FIGN: variants seen among roughly 807,000 people sequenced by gnomAD.
The protein encoded by FIGN is fidgetin.
Under a neutral mutation model 51.3 loss-of-function variants are expected in FIGN, and 11 were observed. That is an observed-to-expected ratio of 0.21 (90% CI 0.13 to 0.35). FIGN has a LOEUF of 0.35. Ranked by LOEUF, FIGN falls within the 10% of genes least tolerant of loss-of-function variation. The pLI, the probability that FIGN is intolerant of heterozygous loss-of-function variation, is 1.00. For missense variants in FIGN, 857 were observed against 943.6 expected, an observed-to-expected ratio of 0.91 and a Z score of 1.20; for synonymous variants, 407 against 363.2, an observed-to-expected ratio of 1.12 and a Z score of -1.37.
intron 2 of FIGN, among the ~76,000 whole-genome samples, chr2:163,714,332 T>C (rs532918548): frequency 6.6e-6 from 1 of 152,300 alleles, no homozygotes; most frequent in Admixed American, 6.5e-5. Flanking sequence ...TTTTGCCATG[T>C]GTACAAGTAA....
chr2:163,645,439 A>G (rs1050541104), intron 2 of FIGN, among the ~76,000 whole-genome samples: 17 of 152,228 alleles, frequency 1.1e-4, no homozygotes, highest in Non-Finnish European at 2.2e-4. Flanking sequence ...CACAGTGCCC[A>G]GATATGCCAA....
At chr2:163,633,064 G>A (rs2105311980) in intron 2 of FIGN, among the ~76,000 whole-genome samples, 1 of 152,022 alleles carries the variant, frequency 6.6e-6, no homozygotes, top group Non-Finnish European at 1.5e-5. Context: ...TGCACCTATG[G>A]TCCCAGCTAC....
At chr2:163,641,462 A>C (rs1027178785) in intron 2 of FIGN, among the ~76,000 whole-genome samples, 3 of 152,198 alleles carry the variant, frequency 2.0e-5, no homozygotes, top group African/African-American at 7.2e-5. Flanking sequence ...CCTTCATCTT[A>C]CAGTTAAGGG....
At chr2:163,735,684 CGT>C (rs1331623655) in intron 1 of FIGN, among the ~76,000 whole-genome samples, 152 bp downstream of exon 1, 1 of 152,048 alleles carries the variant, frequency 6.6e-6, no homozygotes, top group East Asian at 1.9e-4. Flanking sequence ...AGCAGGTTGG[CGT>C]ACAGAATAGA....
chr2:163,667,638 T>A (rs183263716), intron 2 of FIGN, among the ~76,000 whole-genome samples: 2 of 152,390 alleles, frequency 1.3e-5, no homozygotes, highest in Admixed American at 6.5e-5. Context: ...CATTGTTTAC[T>A]TGAAAAATCT....
At chr2:163,698,101 A>C (rs1178348429) in intron 2 of FIGN, among the ~76,000 whole-genome samples, 1 of 152,104 alleles carries the variant, frequency 6.6e-6, no homozygotes, top group Non-Finnish European at 1.5e-5. Flanking sequence ...TCCTGTTTCT[A>C]GCTGTGAAAC....
intron 2 of FIGN, among the ~76,000 whole-genome samples, chr2:163,660,843 A>ATG (rs1683655775): frequency 1.3e-5 from 1 of 77,610 alleles, no homozygotes; most frequent in East Asian, 3.3e-4. Context: ...ACATATATAC[A>ATG]TATATATATG....
intron 2 of FIGN, chr2:163,612,692 A>G (rs1189607854): frequency 4.9e-5 from 19 of 385,894 alleles, no homozygotes; most frequent in Non-Finnish European, 6.2e-5. Flanking sequence ...AGAGGGGAGA[A>G]TGTGTGTGTG....
At chr2:163,706,270 T>C (rs1684498076) in intron 2 of FIGN, among the ~76,000 whole-genome samples, 1 of 152,196 alleles carries the variant, frequency 6.6e-6, no homozygotes, top group South Asian at 2.1e-4. Context: ...AAATGGGTTC[T>C]ATTTTAGAGA....
chr2:163,626,147 C>T (rs971619309), intron 2 of FIGN, among the ~76,000 whole-genome samples: 6 of 152,124 alleles, frequency 3.9e-5, no homozygotes, highest in Non-Finnish European at 5.9e-5. Flanking sequence ...CTTGTTTCAT[C>T]TGATTTTTTG....
intron 2 of FIGN, among the ~76,000 whole-genome samples, chr2:163,636,944 T>C (rs1573918427): frequency 1.3e-5 from 2 of 152,204 alleles, no homozygotes; most frequent in South Asian, 4.1e-4. Flanking sequence ...CCAGGAGTGG[T>C]GGCAGGCGCC....
rs1691134404 is a variant in FIGN, at chr2:163,607,490, T to C, written c.*2062A>G. 6.6e-6 allele frequency: 1 copy of C among 152,494 alleles called. No homozygotes were observed. The highest frequency in any genetic ancestry group is 1.5e-5 in the Non-Finnish European group (1 of 68,022). The allele number at this position is 152,494 out of a possible 1,614,324, so 9.4% of individuals were successfully genotyped here. A position where few individuals can be genotyped will look rare whatever the true frequency, so the allele number is the denominator to read the frequency against. On this transcript the variant is annotated 3_prime_UTR_variant, in exon 3 of 3. Coordinates refer to ENST00000333129, the MANE Select transcript of FIGN (RefSeq NM_018086.4). The stretch of plus-strand genomic sequence containing the variant: ...AAAGGGGAGTAAAGATCAAGCATCA[T>C]AAAATTTCAGAGATAAGAAATCCCT...
chr2:163,707,872 T>G (rs1684526753), intron 2 of FIGN, among the ~76,000 whole-genome samples: 1 of 152,138 alleles, frequency 6.6e-6, no homozygotes, highest in Admixed American at 6.6e-5. Flanking sequence ...TAACCAGAAA[T>G]TTCTAAATAC....
chr2:163,711,291 A>T (rs891401630), intron 2 of FIGN, among the ~76,000 whole-genome samples: 7 of 152,206 alleles, frequency 4.6e-5, no homozygotes, highest in African/African-American at 1.7e-4. Flanking sequence ...AATGGCTCTT[A>T]TTGAGTAATT....
intron 2 of FIGN, among the ~76,000 whole-genome samples, chr2:163,674,453 G>A (rs1271399818): frequency 6.6e-6 from 1 of 152,150 alleles, no homozygotes; most frequent in Admixed American, 6.6e-5. Flanking sequence ...GAAAAACATG[G>A]ACAAAGATAA....
chr2:163,713,294 T>A lies in FIGN; in HGVS notation c.25+21609A>T, dbSNP rs1468020456. Among the ~76,000 whole-genome samples the A allele has an allele frequency of 1.3e-5, 2 of 152,158 alleles. 1 individual carries two copies. The highest frequency in any genetic ancestry group is 2.9e-5 in the Non-Finnish European group (2 of 68,026). ...CCTTGTTCTTTTAAACCTTAGTGAATCAAGTTCGGTAAAGGTGAAGTAGTG... is the reference window on the plus strand; with the variant it reads ...CCTTGTTCTTTTAAACCTTAGTGAAACAAGTTCGGTAAAGGTGAAGTAGTG... On this transcript the variant is annotated intron_variant, in intron 2 of 2. Transcript: ENST00000333129.
At chr2:163,683,887 G>GT (rs981913645) in intron 2 of FIGN, among the ~76,000 whole-genome samples, 16 of 151,794 alleles carry the variant, frequency 1.1e-4, no homozygotes, top group East Asian at 7.7e-4. Context: ...TATTAAGGTT[G>GT]TTTTTTTTCA....
intron 2 of FIGN, among the ~76,000 whole-genome samples, chr2:163,663,992 G>A (rs1362962749): frequency 1.3e-5 from 2 of 152,170 alleles, no homozygotes; most frequent in African/African-American, 4.8e-5. Context: ...ACAACTTGGT[G>A]AACCCCAGTA....
intron 2 of FIGN, among the ~76,000 whole-genome samples, chr2:163,705,719 T>C (rs1486079568): frequency 6.6e-6 from 1 of 152,028 alleles, no homozygotes; most frequent in Non-Finnish European, 1.5e-5. Context: ...CAATCTTTTA[T>C]TATAATGGTT....
Sources: allele counts gnomAD v4.1 joint callset (sites outside exome capture counted in the v4.1 genomes callset), GRCh38; gene constraint gnomAD v4.1.1; transcripts MANE v1.5; gene names NCBI Gene and HGNC (gene_info 2026-07-23, HGNC 2026-07-21).